DGKI: variants seen among roughly 807,000 people sequenced by gnomAD.
The protein encoded by DGKI is DAG kinase iota.
In DGKI, 55 loss-of-function variants were observed where a neutral mutation model predicts 147.5. The observed-to-expected ratio is 0.37, with a 90% CI of 0.30 to 0.47. DGKI has a LOEUF of 0.47. Ranked by LOEUF, DGKI falls within the 20% of genes least tolerant of loss-of-function variation. The pLI is 1.00. For synonymous variants in DGKI, 469 were observed against 477.1 expected (o/e 0.98, Z 0.22); for missense variants, 1,007 against 1,323.8 (o/e 0.76, Z 3.71).
At position 137,634,599 on chromosome 7, in the gene DGKI, G is replaced by A. The variant is rs141884092; in HGVS notation, c.804+10873C>T. 3.7e-4 allele frequency among the ~76,000 whole-genome samples: 56 copies of A among 152,294 alleles called. No homozygotes were observed. In the East Asian group the frequency reaches 0.01, roughly 28 times the overall value. The stretch of plus-strand genomic sequence containing the variant: ...TGTTATAGTAAGTGGGACCATCTGA[G>A]ATCTGGAACAAGCAGTACCAGGGAT... On this transcript the variant is annotated intron_variant, in intron 6 of 32. Coordinates refer to ENST00000614521, the MANE Select transcript of DGKI (RefSeq NM_001321708.2).
At position 137,686,086 on chromosome 7, in the gene DGKI, C is replaced by T. The variant is rs542652950; in HGVS notation, c.510+3808G>A. ...AAACAAGCAGAAAACATTGCCCCTC[C>T]TTTTAAGCAGCCTGAAATCTGACAG... On this transcript the variant is annotated intron_variant, in intron 2 of 32. Transcript: ENST00000614521. Among the ~76,000 whole-genome samples, 8 of 152,272 alleles carry T rather than the reference C, an allele frequency of 5.3e-5. No homozygotes were observed. The South Asian group carries it at 1.5e-3, about 28-fold the overall frequency.
At chr7:137,753,291 C>G (rs1018296609) in intron 1 of DGKI, among the ~76,000 whole-genome samples, 2 of 152,216 alleles carry the variant, frequency 1.3e-5, no homozygotes, top group Non-Finnish European at 1.5e-5. Flanking sequence ...TACTTCCAGA[C>G]AGAGAGTCTC....
At chr7:137,517,319 GAAAGAAAGAAAGAAAGAAAGAGAA>G (rs1563063965) in intron 21 of DGKI, among the ~76,000 whole-genome samples, 222 of 100,666 alleles carry the variant, frequency 2.2e-3, no homozygotes, top group South Asian at 4.5e-3. Flanking sequence ...AAGAAAGAAA[GAAAGAAAGAAAGAAAGAAAGAGAA>G]AGAAAGAAAG....
intron 20 of DGKI, among the ~76,000 whole-genome samples, chr7:137,543,754 G>A (rs1304047076): frequency 2.0e-5 from 3 of 152,088 alleles, no homozygotes; most frequent in Non-Finnish European, 4.4e-5. Context: ...ACTTCTACAG[G>A]ACCAAAGCAA....
intron 1 of DGKI, among the ~76,000 whole-genome samples, chr7:137,764,125 G>A (rs1795938222): frequency 6.6e-6 from 1 of 152,254 alleles, no homozygotes; most frequent in African/African-American, 2.4e-5. Flanking sequence ...GCAGTAGGTG[G>A]ATGCTCACCC....
At position 137,668,456 on chromosome 7, in the gene DGKI, G is replaced by GTTATT. The variant is rs1822722212; in HGVS notation, c.606+10100_606+10101insAATAA. ...AAATATAACAATACTTAAATGGCAG[G>GTTATT]GTTGATCTGGTGACAGGTGTCTGTG... On this transcript the variant is annotated intron_variant, in intron 3 of 32. Coordinates refer to ENST00000614521, the MANE Select transcript of DGKI (RefSeq NM_001321708.2). Among the ~76,000 whole-genome samples, 4 of 152,248 alleles carry GTTATT rather than the reference G, an allele frequency of 2.6e-5. No individual in the cohort carries two copies. In the South Asian group the frequency reaches 8.3e-4, roughly 32 times the overall value.
At chr7:137,518,721 C>T (rs6467709) in intron 21 of DGKI, among the ~76,000 whole-genome samples, 32,873 of 151,868 alleles carry the variant, frequency 0.22, 6,180 homozygotes, top group African/African-American at 0.5. Context: ...TGCATGGGAA[C>T]AGAGTTAAAT....
chr7:137,816,495 T>A (rs2117018183), intron 1 of DGKI, among the ~76,000 whole-genome samples: 1 of 152,326 alleles, frequency 6.6e-6, no homozygotes, highest in African/African-American at 2.4e-5. Flanking sequence ...TATGTCCAAC[T>A]TACCACATTC....
At chr7:137,415,598 T>C (rs1303199372) in intron 28 of DGKI, among the ~76,000 whole-genome samples, 1 of 152,116 alleles carries the variant, frequency 6.6e-6, no homozygotes, top group African/African-American at 2.4e-5. Flanking sequence ...AAGCAGAATG[T>C]CTCTAATAGG....
chr7:137,655,311 G>A (rs1222369208), intron 4 of DGKI, among the ~76,000 whole-genome samples: 2 of 151,468 alleles, frequency 1.3e-5, no homozygotes, highest in African/African-American at 4.9e-5. Flanking sequence ...CAATTCTCCT[G>A]CCTCAGCCTC....
intron 12 of DGKI, among the ~76,000 whole-genome samples, chr7:137,594,584 G>A (rs1268056281): frequency 6.6e-6 from 1 of 152,106 alleles, no homozygotes; most frequent in Non-Finnish European, 1.5e-5. Flanking sequence ...CATTCTGCCA[G>A]CTTCTACAGT....
chr7:137,477,518 T>G (rs1441699542), intron 23 of DGKI, among the ~76,000 whole-genome samples: 1 of 151,908 alleles, frequency 6.6e-6, no homozygotes, highest in East Asian at 1.9e-4. Context: ...TGGAATAGAG[T>G]GATAATTTTT....
At chr7:137,623,625 G>T in intron 6 of DGKI, 71 bp from the exon 7 acceptor site, 1 of 1,338,718 alleles carries the variant, frequency 7.5e-7, no homozygotes, top group Non-Finnish European at 1.1e-6. Context: ...CCCTCCTGAA[G>T]TGCAATGACG....
chr7:137,427,314 G>A (rs1452846694), intron 28 of DGKI, among the ~76,000 whole-genome samples: 2 of 152,134 alleles, frequency 1.3e-5, no homozygotes, highest in Admixed American at 6.5e-5. Flanking sequence ...GGTACATAAG[G>A]AAACGAAGGC....
chr7:137,581,795 A>G (rs781759774), intron 15 of DGKI, 55 bp downstream of exon 15: 11 of 1,477,396 alleles, frequency 7.4e-6, no homozygotes, highest in Non-Finnish European at 1.0e-5. Context: ...GGAACATGCA[A>G]AACACCTGCT....
At chr7:137,726,336 C>T (rs1183337736) in intron 1 of DGKI, among the ~76,000 whole-genome samples, 1 of 152,184 alleles carries the variant, frequency 6.6e-6, no homozygotes, top group African/African-American at 2.4e-5. Context: ...TAGATTGCTG[C>T]AAATGCTTCT....
intron 23 of DGKI, among the ~76,000 whole-genome samples, chr7:137,471,986 TTATATTATATATGTA>T (rs1814919035): frequency 7.2e-6 from 1 of 139,224 alleles, no homozygotes; most frequent in Admixed American, 7.6e-5. Flanking sequence ...TATATATACA[TTATATTATATATGTA>T]TATACAGACA....
intron 27 of DGKI, 25 bp from the exon 28 acceptor site, chr7:137,444,127 C>T: frequency 7.6e-7 from 1 of 1,310,828 alleles, no homozygotes; most frequent in Non-Finnish European, 1.1e-6. Context: ...TAAGCATGAT[C>T]AATATTTTAT....
rs1442507986 is a variant in DGKI at position 137,386,082 on chromosome 7, A to G, written c.*5138T>C. 1 of 152,138 alleles carries G rather than the reference A, an allele frequency of 6.6e-6. No homozygotes were observed. The highest frequency in any genetic ancestry group is 1.5e-5 in the Non-Finnish European group (1 of 68,002). The allele number at this position is 152,138 out of a possible 1,614,324, so 9.4% of individuals were successfully genotyped here. A position where few individuals can be genotyped will look rare whatever the true frequency, so the allele number is the denominator to read the frequency against. ...GAATACATATGTAAATAGACTCTGG[A>G]GTCTATGCATTATGAAGATACCATT... is the stretch of plus-strand genomic sequence containing the variant. On this transcript the variant is annotated 3_prime_UTR_variant, in exon 33 of 33. Coordinates refer to ENST00000614521, the MANE Select transcript of DGKI (RefSeq NM_001321708.2).
Sources: gnomAD v4.1 joint callset for allele counts (sites outside exome capture counted in the v4.1 genomes callset) on GRCh38, gnomAD v4.1.1 for gene constraint, MANE v1.5 for transcripts, NCBI Gene and HGNC (gene_info 2026-07-23, HGNC 2026-07-21) for gene names.